The following ALS2 variants were observed in gnomAD, a reference collection of about 807,000 sequenced individuals.
The protein encoded by ALS2 is alsin.
ALS2 carries 117 observed loss-of-function variants against 203.4 expected under a neutral mutation model. That is an observed-to-expected ratio of 0.58 (90% CI 0.50 to 0.67). ALS2 has a LOEUF of 0.67. ALS2 is among the 30% of genes least tolerant of loss of function. The pLI is 0.00. For synonymous variants in ALS2, 718 were observed against 725.9 expected (o/e 0.99, Z 0.17); for missense variants, 1,715 against 1,989.4 (o/e 0.86, Z 2.62).
intron 1 of ALS2, chr2:201,780,018 A>C (rs1386296947): frequency 1.3e-5 from 2 of 152,230 alleles, no homozygotes; most frequent in Admixed American, 1.3e-4. Context: ...TATTCCATAT[A>C]GCCAAATATA....
At chr2:201,731,404 A>G (rs1019906869) in intron 13 of ALS2, among the ~76,000 whole-genome samples, 1 of 152,094 alleles carries the variant, frequency 6.6e-6, no homozygotes, top group Non-Finnish European at 1.5e-5. Context: ...TATTAATTCT[A>G]GCTCTGCCAA....
chr2:201,754,356 C>CT, intron 6 of ALS2, 147 bp downstream of exon 6: 1 of 1,078,400 alleles, frequency 9.3e-7, no homozygotes, highest in Non-Finnish European at 1.4e-6. Flanking sequence ...AAAGTGACAG[C>CT]TTTTTATCAG....
In ALS2 at chr2:201,729,120, G is replaced by A; in HGVS notation, c.2644C>T (p.Leu882Phe). The change falls in exon 14 of 34, where the codon CTC (leucine) becomes TTC (phenylalanine). Residue 882 changes from leucine (L) to phenylalanine (F), a missense_variant. Physicochemically the swap from Leu to Phe is conservative, Grantham distance 22 (BLOSUM62 0). Around this residue, in one of 3 missense-constraint regions of ALS2, gnomAD observed 1,227 missense variants for 1,413.5 expected, o/e 0.87. Transcript: ENST00000264276. ...TCTGCTTCCTTCCTTTTCCTGCCGA[G>A]ATGGAGAGCAAGACACTCATAACAA... ...SSCYECLALH[L>F]GRKRKEAEYT... 1.2e-6 allele frequency: 2 copies of A among 1,613,794 alleles called. No individual in the cohort carries two copies. The highest frequency in any genetic ancestry group is 1.7e-5 in the Admixed American group (1 of 59,992).
intron 11 of ALS2, chr2:201,741,449 A>G: frequency 3.9e-6 from 2 of 507,472 alleles, no homozygotes; most frequent in South Asian, 2.3e-5. Context: ...CTGCTAGAAT[A>G]TAGAAGAAAA....
chr2:201,757,757 A>C lies in ALS2; in HGVS notation c.1116T>G (p.Pro372=). The C allele has an allele frequency of 6.2e-7, 1 of 1,604,128 alleles. No homozygotes were observed. Among genetic ancestry groups the C allele is most frequent in the Non-Finnish European group, 8.5e-7 (1 of 1,176,418 alleles). The change falls in exon 5 of 34, where the codon CCT becomes CCG. Residue 372 remains proline, a splice_region_variant and synonymous_variant. Transcript: ENST00000264276. Reference sequence around the variant, plus strand: ...GATTAGGAATTGCTTCTTCTAAAAGAGGCTAAAATATACACACATAAAAAA... The same window carrying C: ...GATTAGGAATTGCTTCTTCTAAAAGCGGCTAAAATATACACACATAAAAAA... ...EHGEKPVPSQ[P]LLEEAIPNLH...
Position 201,726,837 on chromosome 2 carries a change from G to T in ALS2, c.3009C>A (p.Ala1003=). 1 of 1,614,056 alleles carries T rather than the reference G, an allele frequency of 6.2e-7. No individual in the cohort carries two copies. Among genetic ancestry groups the T allele is most frequent in the Non-Finnish European group, 8.5e-7 (1 of 1,180,002 alleles). The stretch of plus-strand genomic sequence containing the variant: ...ACATCCCTCTCAAAGCCTGATCTAC[G>T]GCTTGGCTTATAGCTCGTAGCCACT... ...KTKWLRAISQ[A]VDQALRGMSD... Residue 1003 remains alanine (A), a synonymous_variant, in exon 18 of 34, where the codon GCC becomes GCA. Transcript: ENST00000264276.
At chr2:201,704,703 C>T (rs1301128732) in intron 31 of ALS2, 100 bp from the exon 32 acceptor site, 1 of 1,356,176 alleles carries the variant, frequency 7.4e-7, no homozygotes, top group African/African-American at 1.4e-5. Context: ...ATTCACATGC[C>T]TTAACCCGGA....
Position 201,746,552 on chromosome 2 carries a change from C to T in ALS2, c.1998+14G>A, listed in dbSNP as rs1424301170. On this transcript the variant is annotated intron_variant, in intron 9 of 33. Transcript: ENST00000264276. ...GTTACTGAATGTGGGCCTTAGGATC[C>T]AATTCCTGTTCACCTTACTACAGGA... 1.9e-6 allele frequency: 3 copies of T among 1,613,846 alleles called. No individual in the cohort carries two copies. The highest frequency in any genetic ancestry group is 2.2e-5 in the South Asian group (2 of 91,066).
chr2:201,767,365 T>A lies in ALS2; in HGVS notation c.39A>T (p.Gly13=). Residue 13 remains glycine, a synonymous_variant, in exon 3 of 34, where the codon GGA becomes GGT. Coordinates refer to ENST00000264276, the MANE Select transcript of ALS2 (RefSeq NM_020919.4). ...SKKRSSTEAE[G]SKERGLVHIW... is the part of the protein sequence containing the mutation. ...TATGGACCAGGCCTCTTTCCTTGGA[T>A]CCTTCTGCCTCTGTTGAGCTAAAAC... The A allele has an allele frequency of 6.2e-7, 1 of 1,614,152 alleles. No homozygotes were observed.
intron 11 of ALS2, 88 bp downstream of exon 11, chr2:201,741,586 C>T: frequency 7.5e-7 from 1 of 1,332,512 alleles, no homozygotes; most frequent in South Asian, 1.2e-5. Context: ...ATCACTCTCC[C>T]TAATCTAGTC....
chr2:201,713,828 G>A (rs916033145), intron 25 of ALS2, among the ~76,000 whole-genome samples: 1 of 152,144 alleles, frequency 6.6e-6, no homozygotes, highest in African/African-American at 2.4e-5. Flanking sequence ...TCTCTTTCCT[G>A]AAATAAATTG....
chr2:201,755,595 G>A (rs1254571202), intron 5 of ALS2, among the ~76,000 whole-genome samples: 1 of 152,122 alleles, frequency 6.6e-6, no homozygotes, highest in Admixed American at 6.6e-5. Context: ...GCCTTTCTAA[G>A]TCAAGGTCTA....
chr2:201,767,162 T>C (rs1694131465), intron 3 of ALS2, 67 bp downstream of exon 3: 3 of 1,600,202 alleles, frequency 1.9e-6, no homozygotes, highest in African/African-American at 1.3e-5. Flanking sequence ...CTCCCATACC[T>C]GACCTTCCAC....
intron 9 of ALS2, among the ~76,000 whole-genome samples, chr2:201,745,086 A>G (rs1574749865): frequency 6.6e-6 from 1 of 152,240 alleles, no homozygotes; most frequent in East Asian, 1.9e-4. Flanking sequence ...CCAAAGACAC[A>G]CACGAGAGCT....
rs1043473484 is a variant in ALS2 at position 201,700,754 on chromosome 2, G to A, written c.*1097C>T. The A allele has an allele frequency of 7.9e-5, 12 of 152,584 alleles. No individual in the cohort carries two copies. Among genetic ancestry groups the A allele is most frequent in the African/African-American group, 2.9e-4 (12 of 41,434 alleles). 9.5% of individuals were successfully genotyped at this position (152,584 alleles called of 1,614,324 possible). A position where few individuals can be genotyped will look rare whatever the true frequency, so the allele number is the denominator to read the frequency against. On this transcript the variant is annotated 3_prime_UTR_variant, in exon 34 of 34. Transcript: ENST00000264276. ...CACCACGGTGTAGGAGATGAGATGAGGAAGAGCACCTATGTTATTCAAAAC... is the reference window on the plus strand; with the variant it reads ...CACCACGGTGTAGGAGATGAGATGAAGAAGAGCACCTATGTTATTCAAAAC...
intron 3 of ALS2, chr2:201,765,701 G>A (rs1465320): frequency 0.17 from 28,932 of 166,926 alleles, 2,823 homozygotes; most frequent in East Asian, 0.4. Context: ...TGGTGCCCAA[G>A]TCAAATTTGT....
chr2:201,772,711 TTAG>T (rs1694456952), intron 1 of ALS2, among the ~76,000 whole-genome samples: 1 of 152,214 alleles, frequency 6.6e-6, no homozygotes, highest in African/African-American at 2.4e-5. Context: ...CTATCGTTTT[TTAG>T]TAGAAGTCTC....
chr2:201,709,911 G>T lies in ALS2; in HGVS notation c.4250C>A (p.Ser1417Tyr). 1 of 1,614,090 alleles carries T rather than the reference G, an allele frequency of 6.2e-7. No individual in the cohort carries two copies. ...CAGCTGGAAAATTCGCTTAAGATAG[G>T]ACTTAATCTCCTTTACAGCCTCCTG... ...LLQEAVKEIK[S>Y]YLKRIFQLVR... The change falls in exon 27 of 34, where the codon TCC becomes TAC. Residue 1417 changes from serine to tyrosine, a missense_variant. Transcript: ENST00000264276.
intron 30 of ALS2, 95 bp downstream of exon 30, chr2:201,705,321 C>A: frequency 1.4e-6 from 2 of 1,469,836 alleles, no homozygotes; most frequent in Non-Finnish European, 1.9e-6. Flanking sequence ...AGCTTGGGTA[C>A]TGTTCTATCA....
Sources: allele counts gnomAD v4.1 joint callset (sites outside exome capture counted in the v4.1 genomes callset), GRCh38; gene constraint gnomAD v4.1.1; regional missense constraint gnomAD v4.1.1; transcripts MANE v1.5; gene names NCBI Gene and HGNC (gene_info 2026-07-23, HGNC 2026-07-21).